The following GFOD2 variants were observed in gnomAD, a reference collection of about 807,000 sequenced individuals.
GFOD2 encodes glucose-fructose oxidoreductase domain-containing protein 2.
A neutral mutation model predicts 24.6 loss-of-function variants in GFOD2; 9 were observed. That is an observed-to-expected ratio of 0.37 (90% confidence interval 0.22 to 0.64). The LOEUF is 0.64. Among genes scored for constraint, GFOD2 ranks in the 30% least tolerant of loss-of-function variants. The pLI, the probability that GFOD2 is intolerant of heterozygous loss-of-function variation, is 0.65. For missense variants in GFOD2, 476 were observed against 532.5 expected, an observed-to-expected ratio of 0.89 and a Z score of 1.04; for synonymous variants, 211 against 224.8, an observed-to-expected ratio of 0.94 and a Z score of 0.55.
chr16:67,715,835 CAA>C (rs780303741), intron 1 of GFOD2, among the ~76,000 whole-genome samples: 2 of 124,680 alleles, frequency 1.6e-5, no homozygotes, highest in Non-Finnish European at 1.8e-5. Context: ...CCCATCTCTA[CAA>C]AAAAAAAAAA....
chr16:67,701,566 G>A (rs1002944537), intron 1 of GFOD2, among the ~76,000 whole-genome samples: 3 of 152,220 alleles, frequency 2.0e-5, no homozygotes, highest in Admixed American at 6.5e-5. Flanking sequence ...TAGGGACAAA[G>A]AGTAGATCAG....
intron 2 of GFOD2, chr16:67,684,963 T>C (rs1555545288): frequency 2.0e-6 from 2 of 1,006,222 alleles, no homozygotes; most frequent in Non-Finnish European, 2.4e-6. Context: ...TGGCAGAGCC[T>C]TCCTGTCCTC....
intron 1 of GFOD2, among the ~76,000 whole-genome samples, chr16:67,700,848 C>A (rs765308465): frequency 4.0e-5 from 6 of 149,768 alleles, no homozygotes; most frequent in Non-Finnish European, 7.4e-5. Context: ...GCCTGGCCAA[C>A]ATGGTGAAAC....
chr16:67,701,214 T>C (rs150174797), intron 1 of GFOD2, among the ~76,000 whole-genome samples: 1,772 of 152,274 alleles, frequency 0.012, 28 homozygotes, highest in African/African-American at 0.035. Flanking sequence ...TAAAGCTAAA[T>C]AGATACCTAT....
intron 1 of GFOD2, among the ~76,000 whole-genome samples, chr16:67,688,710 G>A (rs945667201): frequency 6.7e-6 from 1 of 149,232 alleles, no homozygotes; most frequent in Non-Finnish European, 1.5e-5. Flanking sequence ...TTTAAAAATT[G>A]TAGTACAATA....
intron 1 of GFOD2, among the ~76,000 whole-genome samples, chr16:67,715,986 T>C (rs2053503695): frequency 6.6e-6 from 1 of 152,200 alleles, no homozygotes; most frequent in Non-Finnish European, 1.5e-5. Context: ...CCAGGCTTGG[T>C]GACAGAGCAA....
intron 1 of GFOD2, among the ~76,000 whole-genome samples, chr16:67,690,912 G>C (rs1168412450): frequency 6.6e-6 from 1 of 152,142 alleles, no homozygotes. Context: ...ATCCAGGCTG[G>C]AGTGCAGTGG....
At chr16:67,715,817 T>C (rs1018817470) in intron 1 of GFOD2, among the ~76,000 whole-genome samples, 6 of 150,762 alleles carry the variant, frequency 4.0e-5, no homozygotes, top group Non-Finnish European at 5.9e-5. Flanking sequence ...CCCCCTGTTA[T>C]AGAGACCCCC....
chr16:67,704,724 T>C (rs2053427788), intron 1 of GFOD2, among the ~76,000 whole-genome samples: 1 of 152,222 alleles, frequency 6.6e-6, no homozygotes, highest in Non-Finnish European at 1.5e-5. Flanking sequence ...TATAGGCACC[T>C]GACGCAGAGT....
chr16:67,697,263 G>A (rs2053365519), intron 1 of GFOD2, among the ~76,000 whole-genome samples: 1 of 152,060 alleles, frequency 6.6e-6, no homozygotes, highest in South Asian at 2.1e-4. Context: ...ACCTCACAGG[G>A]GATTTAAGGA....
At chr16:67,693,229 T>TTA (rs1172666100) in intron 1 of GFOD2, among the ~76,000 whole-genome samples, 1 of 151,978 alleles carries the variant, frequency 6.6e-6, no homozygotes, top group Non-Finnish European at 1.5e-5. Context: ...CCAGGACCAC[T>TTA]TATAATTCAG....
intron 1 of GFOD2, among the ~76,000 whole-genome samples, chr16:67,694,849 G>A (rs2053346341): frequency 6.6e-6 from 1 of 152,066 alleles, no homozygotes; most frequent in South Asian, 2.1e-4. Flanking sequence ...TCCACTCTCT[G>A]TGACTGTGAA....
chr16:67,674,783 A>G lies in GFOD2; in HGVS notation c.*372T>C, dbSNP rs2053170324. 1 of 190,958 alleles carries G rather than the reference A, an allele frequency of 5.2e-6. No homozygotes were observed. Among genetic ancestry groups the G allele is most frequent in the Admixed American group, 5.8e-5 (1 of 17,356 alleles). The allele number at this position is 190,958 out of a possible 1,614,324, so 11.8% of individuals were successfully genotyped here. A position where few individuals can be genotyped will look rare whatever the true frequency, so the allele number is the denominator to read the frequency against. On this transcript the variant is annotated 3_prime_UTR_variant, in exon 3 of 3. Coordinates refer to ENST00000268797, the MANE Select transcript of GFOD2 (RefSeq NM_030819.4). ...CAAGAACGAAACAAAACTTCTCATCATTTCTCCTCAGGCCTCAGCCGAGCT... is the reference window on the plus strand; with the variant it reads ...CAAGAACGAAACAAAACTTCTCATCGTTTCTCCTCAGGCCTCAGCCGAGCT...
chr16:67,699,604 C>T (rs1000839231), intron 1 of GFOD2, among the ~76,000 whole-genome samples: 1 of 151,924 alleles, frequency 6.6e-6, no homozygotes, highest in Non-Finnish European at 1.5e-5. Flanking sequence ...GTGCCTCAGC[C>T]ACCCGAGCAG....
At chr16:67,680,605 G>T in intron 2 of GFOD2, 1 of 421,246 alleles carries the variant, frequency 2.4e-6, no homozygotes, top group Non-Finnish European at 3.2e-6. Flanking sequence ...TGACCCTGAA[G>T]AACCCCACAG....
At chr16:67,683,891 C>G in intron 2 of GFOD2, 2 of 1,150,266 alleles carry the variant, frequency 1.7e-6, no homozygotes, top group Non-Finnish European at 2.1e-6. Context: ...AACAGTTACT[C>G]AGTCAAGTAA....
intron 1 of GFOD2, among the ~76,000 whole-genome samples, chr16:67,710,556 G>GT (rs758612054): frequency 5.3e-5 from 8 of 151,900 alleles, no homozygotes; most frequent in Non-Finnish European, 1.2e-4. Flanking sequence ...TAGAGACGGG[G>GT]TTTCACCGTG....
chr16:67,686,337 C>T (rs997832506), intron 1 of GFOD2, among the ~76,000 whole-genome samples: 18 of 152,050 alleles, frequency 1.2e-4, no homozygotes, highest in Admixed American at 9.8e-4. Context: ...TCTTCTTCTT[C>T]CATGGAGACT....
In GFOD2 at chr16:67,685,762, C is replaced by A; in HGVS notation, c.-47G>T. The A allele has an allele frequency of 6.3e-7, 1 of 1,578,236 alleles. No individual in the cohort carries two copies. Among genetic ancestry groups the A allele is most frequent in the Non-Finnish European group, 8.6e-7 (1 of 1,164,870 alleles). On this transcript the variant is annotated 5_prime_UTR_variant, in exon 2 of 3. It removes an upstream start codon present in the reference 5' UTR. Transcript: ENST00000268797. ...CTCATCTCCTCACAAGAGCCTCTGG[C>A]ATGGATATGATCTTCCAAACGTCCT...
Sources: allele counts gnomAD v4.1 joint callset (sites outside exome capture counted in the v4.1 genomes callset), GRCh38; gene constraint gnomAD v4.1.1; transcripts MANE v1.5; gene names NCBI Gene and HGNC (gene_info 2026-07-23, HGNC 2026-07-21).